NCOA6: variants seen among roughly 807,000 people sequenced by gnomAD.
The protein encoded by NCOA6 is NRC RAP250.
Under a neutral mutation model 171.4 loss-of-function variants are expected in NCOA6, and 49 were observed. That is an observed-to-expected ratio of 0.29 (90% CI 0.23 to 0.36). The LOEUF (loss-of-function observed/expected upper bound fraction) is 0.36, where lower values mean the gene tolerates loss of function less well. Among genes scored for constraint, NCOA6 ranks in the 10% least tolerant of loss-of-function variants. The pLI is 1.00. For synonymous variants in NCOA6, 910 were observed against 927.5 expected (o/e 0.98, Z 0.34); for missense variants, 2,248 against 2,554.5 (o/e 0.88, Z 2.59).
At chr20:34,720,982 A>G (rs1232284577) in intron 14 of NCOA6, among the ~76,000 whole-genome samples, 4 of 152,214 alleles carry the variant, frequency 2.6e-5, no homozygotes, top group African/African-American at 9.7e-5. Context: ...CTGATTTAAA[A>G]GGTAACTGTG....
chr20:34,730,771 G>A (rs1483605260), intron 13 of NCOA6, among the ~76,000 whole-genome samples: 1 of 144,436 alleles, frequency 6.9e-6, no homozygotes, highest in Non-Finnish European at 1.5e-5. Context: ...GGAGTGCAGT[G>A]AGCACGACCA....
intron 3 of NCOA6, among the ~76,000 whole-genome samples, chr20:34,778,831 C>T (rs1300130781): frequency 2.6e-5 from 4 of 151,698 alleles, no homozygotes; most frequent in African/African-American, 9.7e-5. Flanking sequence ...TGGTGGCGGG[C>T]GCCTGTAGTC....
At chr20:34,807,017 C>T (rs1483392067) in intron 1 of NCOA6, among the ~76,000 whole-genome samples, 1 of 152,190 alleles carries the variant, frequency 6.6e-6, no homozygotes, top group Admixed American at 6.5e-5. Flanking sequence ...TCTCTTCCTC[C>T]TGAGTATGGA....
At chr20:34,738,718 T>C in intron 11 of NCOA6, among the ~76,000 whole-genome samples, 1 of 152,188 alleles carries the variant, frequency 6.6e-6, no homozygotes, top group East Asian at 1.9e-4. Flanking sequence ...TCTCATTGAG[T>C]CCTCTCTCAG....
At position 34,749,650 on chromosome 20, in the gene NCOA6, G is replaced by C; in HGVS notation, c.2545C>G (p.His849Asp). 2 of 1,614,206 alleles carry C rather than the reference G, an allele frequency of 1.2e-6. No homozygotes were observed. The highest frequency in any genetic ancestry group is 1.7e-6 in the Non-Finnish European group (2 of 1,180,024). The change falls in exon 9 of 15, where the codon CAT becomes GAT. Residue 849 changes from histidine (H) to aspartate (D), a missense_variant. Transcript: ENST00000359003. ...NSASGNHFSGHGMSFNAPFSG... is the reference protein window; with the variant it reads ...NSASGNHFSGDGMSFNAPFSG... ...AAAGGTGCATTGAAAGACATCCCAT[G>C]GCCTGAGAAGTGGTTTCCCGAGGCA...
At chr20:34,763,770 C>G (rs1334451788) in intron 5 of NCOA6, among the ~76,000 whole-genome samples, 1 of 152,178 alleles carries the variant, frequency 6.6e-6, no homozygotes, top group Non-Finnish European at 1.5e-5. Flanking sequence ...CACCTAACGT[C>G]TAGAGCCCCA....
chr20:34,807,242 A>G (rs1251730963), intron 1 of NCOA6, among the ~76,000 whole-genome samples: 1 of 152,160 alleles, frequency 6.6e-6, no homozygotes, highest in Non-Finnish European at 1.5e-5. Flanking sequence ...ACATCCCTTC[A>G]AGAAGAGAAT....
At chr20:34,811,208 T>TATATATATATAG (rs2078651864) in intron 1 of NCOA6, among the ~76,000 whole-genome samples, 1 of 122,060 alleles carries the variant, frequency 8.2e-6, no homozygotes, top group African/African-American at 3.2e-5. Context: ...CGTGTATATA[T>TATATATATATAG]ATATATATAT....
intron 6 of NCOA6, among the ~76,000 whole-genome samples, chr20:34,758,487 C>G (rs1026325634): frequency 6.6e-6 from 1 of 152,180 alleles, no homozygotes; most frequent in Non-Finnish European, 1.5e-5. Context: ...ACTTTTGAAT[C>G]TCCAGGAGGG....
At chr20:34,806,436 T>C (rs185222301) in intron 1 of NCOA6, among the ~76,000 whole-genome samples, 2 of 152,362 alleles carry the variant, frequency 1.3e-5, no homozygotes, top group East Asian at 3.9e-4. Context: ...GCTTTTGTTT[T>C]TGTTGCCTGT....
In NCOA6 at chr20:34,742,467, C is replaced by T; in HGVS notation, c.3789G>A (p.Arg1263=). 6.2e-7 allele frequency: 1 copy of T among 1,614,080 alleles called. No homozygotes were observed. Among genetic ancestry groups the T allele is most frequent in the Non-Finnish European group, 8.5e-7 (1 of 1,180,014 alleles). The part of the protein sequence containing the change: ...PPQINIPLPP[R]PNLNRGFDQQ... ...GATCAAAGCCCCTGTTTAAATTTGG[C>T]CTAGGAGGTAAAGGAATATTAATCT... is the stretch of plus-strand genomic sequence containing the variant. Residue 1263 remains arginine, a synonymous_variant, in exon 11 of 15, where the codon AGG becomes AGA. Coordinates refer to ENST00000359003, the MANE Select transcript of NCOA6 (RefSeq NM_014071.5).
intron 10 of NCOA6, among the ~76,000 whole-genome samples, chr20:34,745,296 T>C (rs935559859): frequency 2.6e-5 from 4 of 152,186 alleles, no homozygotes; most frequent in African/African-American, 4.8e-5. Flanking sequence ...AAAACCATTA[T>C]AGGCCAAATT....
At chr20:34,744,802 G>C (rs188283695) in intron 10 of NCOA6, among the ~76,000 whole-genome samples, 65 of 152,258 alleles carry the variant, frequency 4.3e-4, no homozygotes, top group South Asian at 2.9e-3. Context: ...TTCACATTCA[G>C]TCTGGGGTTC....
chr20:34,750,182 C>A lies in NCOA6; in HGVS notation c.2013G>T (p.Gly671=), dbSNP rs1429889295. The change falls in exon 9 of 15, where the codon GGG becomes GGT. Residue 671 remains glycine (G), a synonymous_variant. Coordinates refer to ENST00000359003, the MANE Select transcript of NCOA6 (RefSeq NM_014071.5). ...MMVNPPSQNL[G]PSPQRMTPPK... ...GTGGGGTCATCCTTTGGGGCGAGGG[C>A]CCAAGATTTTGGCTCGGGGGGTTCA... The A allele has an allele frequency of 6.2e-7, 1 of 1,611,438 alleles. No individual in the cohort carries two copies. Among genetic ancestry groups the A allele is most frequent in the Non-Finnish European group, 8.5e-7 (1 of 1,178,588 alleles).
At chr20:34,746,503 A>G (rs1416267632) in intron 10 of NCOA6, among the ~76,000 whole-genome samples, 1 of 152,208 alleles carries the variant, frequency 6.6e-6, no homozygotes, top group African/African-American at 2.4e-5. Context: ...TTGGCCTCCC[A>G]AAGTGCTGTG....
At chr20:34,747,039 T>G in intron 9 of NCOA6, 111 bp from the exon 10 acceptor site, 1 of 1,089,542 alleles carries the variant, frequency 9.2e-7, no homozygotes, top group Non-Finnish European at 1.2e-6. Context: ...AATGTTTGCA[T>G]TACCATTATT....
intron 5 of NCOA6, among the ~76,000 whole-genome samples, chr20:34,765,307 A>T (rs1203430374): frequency 6.6e-6 from 1 of 151,444 alleles, no homozygotes; most frequent in African/African-American, 2.4e-5. Flanking sequence ...AAAAAAAAAA[A>T]TTAGCCAGGC....
At chr20:34,802,097 G>T (rs927426963) in intron 1 of NCOA6, among the ~76,000 whole-genome samples, 1 of 152,112 alleles carries the variant, frequency 6.6e-6, no homozygotes, top group Non-Finnish European at 1.5e-5. Flanking sequence ...AAAAAAAGAT[G>T]ATAGACACAG....
At chr20:34,768,891 TGTGTGTGTGTGTGGG>T (rs2077056831) in intron 4 of NCOA6, among the ~76,000 whole-genome samples, 1 of 151,402 alleles carries the variant, frequency 6.6e-6, no homozygotes, top group Non-Finnish European at 1.5e-5. Context: ...TCTTACCAAT[TGTGTGTGTGTGTGGG>T]GTGTGTGTGT....
Sources: gnomAD v4.1 joint callset for allele counts (sites outside exome capture counted in the v4.1 genomes callset) on GRCh38, gnomAD v4.1.1 for gene constraint, MANE v1.5 for transcripts, NCBI Gene and HGNC (gene_info 2026-07-23, HGNC 2026-07-21) for gene names.